Variants in LARP4B observed in about 807,000 individuals in gnomAD.
The protein encoded by LARP4B is la-related protein 4B.
A neutral mutation model predicts 89.8 loss-of-function variants in LARP4B; 12 were observed. The ratio of observed to expected loss-of-function variants is 0.13; its 90% CI spans 0.09 to 0.22. The LOEUF (loss-of-function observed/expected upper bound fraction) is 0.22. Among genes scored for constraint, LARP4B ranks in the 10% least tolerant of loss-of-function variants. The pLI is 1.00. For synonymous variants in LARP4B, 367 were observed against 363.3 expected, an observed-to-expected ratio of 1.01 and a Z score of -0.12; for missense variants, 757 against 947.7, an observed-to-expected ratio of 0.80 and a Z score of 2.64.
At chr10:959,936 T>A in the LARP4B span, among the ~76,000 whole-genome samples, 1 of 150,852 alleles carries the variant, frequency 6.6e-6, no homozygotes, top group Admixed American at 6.6e-5. Context: ...CACCTCCTCG[T>A]CAATCCCACC....
At chr10:887,420 A>C (rs879157934) in intron 1 of LARP4B, among the ~76,000 whole-genome samples, 5 of 145,730 alleles carry the variant, frequency 3.4e-5, no homozygotes, top group Non-Finnish European at 7.7e-5. Flanking sequence ...AATTAAAAAA[A>C]AAAAAAAGGT....
At position 814,712 on chromosome 10, in the gene LARP4B, C is replaced by T. The variant is rs774894578; in HGVS notation, c.1929+30G>A. On this transcript the variant is annotated intron_variant, in intron 17 of 17. Transcript: ENST00000316157. The surrounding 1 kb of genome is among the most constrained non-coding windows in gnomAD (Gnocchi z 4.4). Reference sequence around the variant, plus strand: ...GTTCACACCAGAGCCTCGCGGCTGTCGTGCAGGAAGGCAGGCACGAGGTAC... The same window carrying T: ...GTTCACACCAGAGCCTCGCGGCTGTTGTGCAGGAAGGCAGGCACGAGGTAC... 3.2e-6 allele frequency: 5 copies of T among 1,568,184 alleles called. No individual in the cohort carries two copies. In the South Asian group the frequency reaches 3.5e-5, roughly 11 times the overall value.
At chr10:843,948 A>G (rs749811199) in intron 6 of LARP4B, among the ~76,000 whole-genome samples, 1 of 152,164 alleles carries the variant, frequency 6.6e-6, no homozygotes, top group African/African-American at 2.4e-5. Context: ...ATGATGAGCT[A>G]TTTTCTGGTG....
At chr10:889,506 C>A (rs1407487252) in intron 1 of LARP4B, among the ~76,000 whole-genome samples, 2 of 152,208 alleles carry the variant, frequency 1.3e-5, no homozygotes, top group Admixed American at 1.3e-4. Flanking sequence ...GAGAACGTGC[C>A]AACTCCACAC....
At chr10:842,759 C>T (rs1351389518) in intron 7 of LARP4B, among the ~76,000 whole-genome samples, 173 bp downstream of exon 7, 2 of 152,198 alleles carry the variant, frequency 1.3e-5, no homozygotes, top group East Asian at 1.9e-4. Context: ...CAGGGACTAT[C>T]AGGCGCTACT....
intron 1 of LARP4B, among the ~76,000 whole-genome samples, chr10:895,901 CAG>C (rs1836175714): frequency 6.6e-6 from 1 of 152,116 alleles, no homozygotes; most frequent in Admixed American, 6.5e-5. Context: ...CTTCATCTCC[CAG>C]AGTCTCAGTT....
intron 13 of LARP4B, among the ~76,000 whole-genome samples, chr10:823,597 G>A (rs1832466783): frequency 6.6e-6 from 1 of 151,084 alleles, no homozygotes; most frequent in Non-Finnish European, 1.5e-5. Context: ...GAGGCCGGGG[G>A]GCCTTGTCCA....
At chr10:901,497 G>C (rs1197631875) in intron 1 of LARP4B, among the ~76,000 whole-genome samples, 1 of 152,156 alleles carries the variant, frequency 6.6e-6, no homozygotes, top group African/African-American at 2.4e-5. Flanking sequence ...AAGTGAATCT[G>C]TAAGCTTGAA....
chr10:987,342 A>T, the LARP4B span: 1 of 152,266 alleles, frequency 6.6e-6, no homozygotes, highest in Admixed American at 6.5e-5. Context: ...AATTTATGAG[A>T]GGTATTTTCG....
At chr10:939,269 G>GC in the LARP4B span, among the ~76,000 whole-genome samples, 1 of 152,222 alleles carries the variant, frequency 6.6e-6, no homozygotes, top group Admixed American at 6.5e-5. Flanking sequence ...GGAGGGGATG[G>GC]CACAGGAGGG....
intron 1 of LARP4B, among the ~76,000 whole-genome samples, chr10:929,999 G>GA (rs1837255293): frequency 6.6e-6 from 1 of 151,798 alleles, no homozygotes; most frequent in Non-Finnish European, 1.5e-5. Context: ...AATACAAGGA[G>GA]AAAAAACTGA....
At chr10:939,576 G>T in the LARP4B span, among the ~76,000 whole-genome samples, 1 of 152,036 alleles carries the variant, frequency 6.6e-6, no homozygotes, top group Non-Finnish European at 1.5e-5. Flanking sequence ...ATCTGCTGGG[G>T]TGTTTAACCT....
At chr10:823,453 T>C (rs1832459898) in intron 13 of LARP4B, among the ~76,000 whole-genome samples, 1 of 152,138 alleles carries the variant, frequency 6.6e-6, no homozygotes. Flanking sequence ...TCAGCAAGCT[T>C]TGGACTCTCA....
intron 11 of LARP4B, among the ~76,000 whole-genome samples, chr10:827,167 T>G (rs1192461665): frequency 6.6e-6 from 1 of 151,912 alleles, no homozygotes; most frequent in Non-Finnish European, 1.5e-5. Context: ...TCCCAGCTAC[T>G]CAAGAGGCTG....
chr10:822,872 C>T lies in LARP4B; in HGVS notation c.1485-2027G>A, dbSNP rs988248738. ...CAGCTGGGCCGTGCCCTGCCATGGC[C>T]GCCATGCAAGGGTAGGGACATGTGT... On this transcript the variant is annotated intron_variant, in intron 13 of 17. Coordinates refer to ENST00000316157, the MANE Select transcript of LARP4B (RefSeq NM_015155.3). The surrounding 1 kb of genome is among the most constrained non-coding windows in gnomAD (Gnocchi z 4.6). 3.3e-4 allele frequency among the ~76,000 whole-genome samples: 50 copies of T among 152,280 alleles called. No homozygotes were observed. Among genetic ancestry groups the T allele is most frequent in the African/African-American group, 9.1e-4 (38 of 41,564 alleles).
chr10:843,290 T>C (rs1833615881), intron 6 of LARP4B, among the ~76,000 whole-genome samples: 1 of 152,248 alleles, frequency 6.6e-6, no homozygotes, highest in African/African-American at 2.4e-5. Context: ...AAAAGTATAC[T>C]GTACTTTCTA....
chr10:829,815 A>G, intron 9 of LARP4B, 81 bp from the exon 10 acceptor site: 2 of 883,144 alleles, frequency 2.3e-6, no homozygotes, highest in Non-Finnish European at 1.9e-6. Context: ...AATAGCTCAA[A>G]TAGGGAAATA....
At chr10:959,359 G>GTCAATCCCACCTCCTCA in the LARP4B span, among the ~76,000 whole-genome samples, 194 of 132,474 alleles carry the variant, frequency 1.5e-3, 2 homozygotes, top group African/African-American at 5.6e-3. Context: ...CCACCTCCCC[G>GTCAATCCCACCTCCTCA]TCAATCCCAC....
the LARP4B span, among the ~76,000 whole-genome samples, chr10:964,422 G>GT: frequency 1.4e-4 from 21 of 150,848 alleles, no homozygotes; most frequent in African/African-American, 1.9e-4. Flanking sequence ...AGTTATATCT[G>GT]TTTTTTTTTT....
Sources: gnomAD v4.1 joint callset for allele counts (sites outside exome capture counted in the v4.1 genomes callset) on GRCh38, gnomAD v4.1.1 for gene constraint, Gnocchi (gnomAD v3.1) non-coding constraint, MANE v1.5 for transcripts, NCBI Gene and HGNC (gene_info 2026-07-23, HGNC 2026-07-21) for gene names.